Variants in PLD5 observed in about 807,000 individuals in gnomAD.
PLD5 encodes the protein inactive phospholipase D5.
In PLD5, 36 loss-of-function variants were observed where a neutral mutation model predicts 61.1. That is an observed-to-expected ratio of 0.59 (90% CI 0.45 to 0.78). PLD5 has a LOEUF of 0.78. PLD5 is among the 30% of genes least tolerant of loss of function. The pLI is 0.00. For missense variants in PLD5, 515 were observed against 644.4 expected (o/e 0.80, Z 2.17); for synonymous variants, 243 against 242.8 (o/e 1.00, Z -0.01).
At chr1:242,436,348 C>T (rs1467226831) in intron 1 of PLD5, among the ~76,000 whole-genome samples, 2 of 152,124 alleles carry the variant, frequency 1.3e-5, no homozygotes, top group African/African-American at 2.4e-5. Flanking sequence ...AAAATCCATT[C>T]AGAATTGCAA....
chr1:242,512,159 C>T (rs1286060733), intron 1 of PLD5, among the ~76,000 whole-genome samples: 1 of 151,742 alleles, frequency 6.6e-6, no homozygotes, highest in Non-Finnish European at 1.5e-5. Context: ...CGCCTGTAAT[C>T]CCAGCACTTT....
intron 1 of PLD5, among the ~76,000 whole-genome samples, chr1:242,418,687 G>T (rs73133722): frequency 0.037 from 5,686 of 152,196 alleles, 379 homozygotes; most frequent in African/African-American, 0.13. Flanking sequence ...GAGAACGTGT[G>T]GGCTTTCTTG....
chr1:242,112,331 G>GA (rs1558233022), intron 7 of PLD5, among the ~76,000 whole-genome samples: 2,049 of 43,410 alleles, frequency 0.047, 66 homozygotes, highest in African/African-American at 0.23. Context: ...GTGTATGTAT[G>GA]TATATGTGTA....
chr1:242,161,370 C>G (rs980264440), intron 5 of PLD5, among the ~76,000 whole-genome samples: 1 of 152,000 alleles, frequency 6.6e-6, no homozygotes, highest in Non-Finnish European at 1.5e-5. Flanking sequence ...GACCCGCCCT[C>G]CCACGAATTA....
At chr1:242,366,031 A>T (rs975869157) in intron 1 of PLD5, among the ~76,000 whole-genome samples, 2 of 152,216 alleles carry the variant, frequency 1.3e-5, no homozygotes, top group Non-Finnish European at 2.9e-5. Context: ...AATAATGCCA[A>T]TTCTATTCAA....
At chr1:242,334,180 C>A (rs1248572461) in intron 2 of PLD5, among the ~76,000 whole-genome samples, 1 of 152,018 alleles carries the variant, frequency 6.6e-6, no homozygotes, top group African/African-American at 2.4e-5. Flanking sequence ...CCAGTGTTAC[C>A]ACCTGGGATA....
chr1:242,481,462 C>T (rs1175208551), intron 1 of PLD5, among the ~76,000 whole-genome samples: 2 of 152,176 alleles, frequency 1.3e-5, no homozygotes, highest in Non-Finnish European at 2.9e-5. Flanking sequence ...TCGCTCATTG[C>T]TAGCACAGCA....
chr1:242,415,300 T>C (rs1160461498), intron 1 of PLD5, among the ~76,000 whole-genome samples: 2 of 152,068 alleles, frequency 1.3e-5, no homozygotes, highest in Non-Finnish European at 2.9e-5. Context: ...CTGAAAAGAA[T>C]GAACTGCAGG....
chr1:242,422,661 G>A (rs745469370), intron 1 of PLD5, among the ~76,000 whole-genome samples: 11 of 152,102 alleles, frequency 7.2e-5, no homozygotes, highest in Non-Finnish European at 1.6e-4. Flanking sequence ...GACACCTGGC[G>A]TCCACAAAAC....
At position 242,452,798 on chromosome 1, in the gene PLD5, C is replaced by T. The variant is rs80120296; in HGVS notation, c.189+71290G>A. ...GCCACTGCACACCAGCCTGGGTGGC[C>T]GAACCAGACCCTGCCCCCCACCCCT... On this transcript the variant is annotated intron_variant, in intron 1 of 9. Coordinates refer to ENST00000536534, the MANE Select transcript of PLD5 (RefSeq NM_001372062.1). Among the ~76,000 whole-genome samples, 90 of 152,112 alleles carry T rather than the reference C, an allele frequency of 5.9e-4. 1 individual carries two copies. In the East Asian group the frequency reaches 0.012, roughly 20 times the overall value.
rs139094281 is a variant in PLD5 at position 242,510,335 on chromosome 1, T to C, written c.189+13753A>G. Among the ~76,000 whole-genome samples the C allele has an allele frequency of 2.6e-4, 39 of 152,276 alleles. 1 individual carries two copies. Among genetic ancestry groups the C allele is most frequent in the African/African-American group, 8.9e-4 (37 of 41,542 alleles). On this transcript the variant is annotated intron_variant, in intron 1 of 9. Transcript: ENST00000536534. ...TTCTCCAACAACAGACCACTCATGC[T>C]GGAAAGAAAAGAATAACAATATCTG... is the stretch of plus-strand genomic sequence containing the variant.
chr1:242,277,746 G>A (rs1248490085), intron 3 of PLD5, among the ~76,000 whole-genome samples: 1 of 151,154 alleles, frequency 6.6e-6, no homozygotes, highest in African/African-American at 2.4e-5. Context: ...ACTTTGGGAG[G>A]CCGACGCGGA....
intron 1 of PLD5, among the ~76,000 whole-genome samples, chr1:242,496,100 A>G (rs911172440): frequency 2.6e-5 from 4 of 152,244 alleles, no homozygotes. Flanking sequence ...TCTGTTGTAC[A>G]ACCAGGGACA....
At chr1:242,110,261 GGGAGGAAGA>G (rs1407965891) in intron 7 of PLD5, among the ~76,000 whole-genome samples, 2 of 151,840 alleles carry the variant, frequency 1.3e-5, no homozygotes, top group Non-Finnish European at 2.9e-5. Context: ...CAGGGCCAAG[GGGAGGAAGA>G]GTGATTTAAG....
At chr1:242,375,881 G>C (rs951007713) in intron 1 of PLD5, among the ~76,000 whole-genome samples, 2 of 152,084 alleles carry the variant, frequency 1.3e-5, no homozygotes, top group African/African-American at 4.8e-5. Flanking sequence ...GGTTGAAGTT[G>C]CACATCCCAA....
At chr1:242,160,609 G>A (rs535145165) in intron 5 of PLD5, among the ~76,000 whole-genome samples, 85 of 152,256 alleles carry the variant, frequency 5.6e-4, no homozygotes, top group African/African-American at 1.9e-3. Context: ...TATTTTGGCC[G>A]AGTGTGGTGG....
chr1:242,308,920 G>T (rs1676531813), intron 2 of PLD5, among the ~76,000 whole-genome samples: 1 of 152,226 alleles, frequency 6.6e-6, no homozygotes, highest in South Asian at 2.1e-4. Context: ...CGTTATTTTG[G>T]GATTTGGAGG....
intron 3 of PLD5, among the ~76,000 whole-genome samples, chr1:242,285,251 A>G (rs1305963731): frequency 6.6e-6 from 1 of 152,220 alleles, no homozygotes; most frequent in Non-Finnish European, 1.5e-5. Context: ...ATCTACCTAA[A>G]GTCATATGGG....
intron 3 of PLD5, among the ~76,000 whole-genome samples, chr1:242,287,526 A>C (rs1243277942): frequency 6.6e-6 from 1 of 152,122 alleles, no homozygotes; most frequent in Admixed American, 6.6e-5. Context: ...AAATAGTATA[A>C]TTGAATAGAT....
Sources: gnomAD v4.1 joint callset for allele counts (sites outside exome capture counted in the v4.1 genomes callset) on GRCh38, gnomAD v4.1.1 for gene constraint, MANE v1.5 for transcripts, NCBI Gene and HGNC (gene_info 2026-07-23, HGNC 2026-07-21) for gene names.